The following MYH10 variants were observed in gnomAD, a reference collection of about 807,000 sequenced individuals.
MYH10 encodes myosin heavy chain 10.
MYH10 carries 55 observed loss-of-function variants against 257.8 expected under a neutral mutation model. The ratio of observed to expected loss-of-function variants is 0.21; its 90% CI spans 0.17 to 0.27. The LOEUF is 0.27. MYH10 is among the 10% of genes least tolerant of loss of function. MYH10 has a pLI of 1.00. For missense variants in MYH10, 1,631 were observed against 2,500.6 expected (o/e 0.65, Z 7.42); for synonymous variants, 854 against 921.7 (o/e 0.93, Z 1.33).
In MYH10 at chr17:8,535,968, C is replaced by T. The variant is rs1478128297; in HGVS notation, c.1606-37G>A. On this transcript the variant is annotated intron_variant, in intron 14 of 42. Transcript: ENST00000360416. The surrounding 1 kb of genome is among the most constrained non-coding windows in gnomAD (Gnocchi z 4.3). ...AGGCAATAAGAATTCACAAGTTTTGCATGCCACTTTAATACTACTGAGTCT... is the reference window on the plus strand; with the variant it reads ...AGGCAATAAGAATTCACAAGTTTTGTATGCCACTTTAATACTACTGAGTCT... The T allele has an allele frequency of 6.3e-7, 1 of 1,591,380 alleles. No homozygotes were observed. Among genetic ancestry groups the T allele is most frequent in the Non-Finnish European group, 8.6e-7 (1 of 1,164,002 alleles).
Position 8,487,295 on chromosome 17 carries a change from T to A in MYH10, c.5046+138A>T, listed in dbSNP as rs146491796. On this transcript the variant is annotated intron_variant, in intron 36 of 42. Coordinates refer to ENST00000360416, the MANE Select transcript of MYH10 (RefSeq NM_001256012.3). ...GTGGACACAGCGGACACACAAGCACTCTCTTTATGGCCTGCTGCCCCACCC... is the reference window on the plus strand; with the variant it reads ...GTGGACACAGCGGACACACAAGCACACTCTTTATGGCCTGCTGCCCCACCC... 2.9e-4 allele frequency: 281 copies of A among 962,120 alleles called. 4 individuals carry two copies. In the East Asian group the frequency reaches 6.5e-3, roughly 22 times the overall value. 59.6% of individuals were successfully genotyped at this position (962,120 alleles called of 1,614,324 possible). A position where few individuals can be genotyped will look rare whatever the true frequency, so the allele number is the denominator to read the frequency against.
intron 3 of MYH10, among the ~76,000 whole-genome samples, chr17:8,590,686 T>C (rs946914228): frequency 2.6e-5 from 4 of 152,150 alleles, no homozygotes; most frequent in Admixed American, 2.0e-4. Flanking sequence ...TTATAGTACA[T>C]AGTCAATGTC....
At chr17:8,575,548 T>C (rs2083471289) in intron 6 of MYH10, among the ~76,000 whole-genome samples, 1 of 152,126 alleles carries the variant, frequency 6.6e-6, no homozygotes, top group African/African-American at 2.4e-5. Context: ...TAGGCCTTCA[T>C]AGGTACAGTA....
intron 3 of MYH10, among the ~76,000 whole-genome samples, chr17:8,599,574 C>T (rs554888694): frequency 6.6e-6 from 1 of 152,316 alleles, no homozygotes; most frequent in Admixed American, 6.5e-5. Flanking sequence ...TGAAACCCTG[C>T]TTCATTTTCA....
intron 2 of MYH10, among the ~76,000 whole-genome samples, chr17:8,617,731 T>C (rs1049045420): frequency 1.3e-5 from 2 of 152,114 alleles, no homozygotes; most frequent in African/African-American, 4.8e-5. Context: ...TACAAAACAG[T>C]GGAGTAGGCA....
chr17:8,475,962 G>A lies in MYH10; in HGVS notation c.5880-14C>T. 6.2e-7 allele frequency: 1 copy of A among 1,609,928 alleles called. No homozygotes were observed. The highest frequency in any genetic ancestry group is 8.5e-7 in the Non-Finnish European group (1 of 1,179,012). ...GGGCCACCCCGCCTGGAGAACACAGGAAGCAGATGTGTGTGGGTAAACAGA... is the reference window on the plus strand; with the variant it reads ...GGGCCACCCCGCCTGGAGAACACAGAAAGCAGATGTGTGTGGGTAAACAGA... On this transcript the variant is annotated splice_polypyrimidine_tract_variant and intron_variant, in intron 42 of 42. Coordinates refer to ENST00000360416, the MANE Select transcript of MYH10 (RefSeq NM_001256012.3).
rs1040252824 is a variant in MYH10 at position 8,475,543 on chromosome 17, C to T, written c.*261G>A. 5 of 414,048 alleles carry T rather than the reference C, an allele frequency of 1.2e-5. No individual in the cohort carries two copies. The highest frequency in any genetic ancestry group is 2.2e-5 in the Non-Finnish European group (5 of 232,544). The allele number at this position is 414,048 out of a possible 1,614,324, so 25.6% of individuals were successfully genotyped here. On this transcript the variant is annotated 3_prime_UTR_variant, in exon 43 of 43. Coordinates refer to ENST00000360416, the MANE Select transcript of MYH10 (RefSeq NM_001256012.3). ...CTTACCATGTTTTATAAAATGGTCT[C>T]TTGATGACTATATGGAAAATAGATG...
chr17:8,506,617 C>A lies in MYH10; in HGVS notation c.3215-128G>T. On this transcript the variant is annotated intron_variant, in intron 26 of 42. Transcript: ENST00000360416. The surrounding 1 kb of genome is among the most constrained non-coding windows in gnomAD (Gnocchi z 5.0). ...CAAAAGCATGTCACTGCCCTGATGACATGGTCATGCGCTGATGTCAACTGC... is the reference window on the plus strand; with the variant it reads ...CAAAAGCATGTCACTGCCCTGATGAAATGGTCATGCGCTGATGTCAACTGC... 1 of 953,090 alleles carries A rather than the reference C, an allele frequency of 1.0e-6. No homozygotes were observed. The highest frequency in any genetic ancestry group is 1.6e-6 in the Non-Finnish European group (1 of 636,292). 59.0% of individuals were successfully genotyped at this position (953,090 alleles called of 1,614,324 possible).
intron 28 of MYH10, among the ~76,000 whole-genome samples, chr17:8,503,537 T>C (rs980634778): frequency 6.6e-6 from 1 of 152,254 alleles, no homozygotes; most frequent in Non-Finnish European, 1.5e-5. Flanking sequence ...CTCACTGCTC[T>C]ATCGAGCCGG....
chr17:8,515,508 ACCAGCCAAAAAGAATTAG>A (rs1291547958), intron 21 of MYH10, among the ~76,000 whole-genome samples: 5 of 135,682 alleles, frequency 3.7e-5, no homozygotes, highest in Non-Finnish European at 8.0e-5. Flanking sequence ...ACTTATTCCT[ACCAGCCAAAAAGAATTAG>A]CCAAGTCTTT....
chr17:8,488,889 T>C (rs1241337708), intron 35 of MYH10, among the ~76,000 whole-genome samples: 5 of 152,162 alleles, frequency 3.3e-5, no homozygotes, highest in Admixed American at 6.5e-5. Flanking sequence ...AATTTCAAAG[T>C]GTGGTTTAAA....
chr17:8,477,142 G>T lies in MYH10; in HGVS notation c.5707-94C>A. The T allele has an allele frequency of 2.8e-6, 4 of 1,436,974 alleles. No individual in the cohort carries two copies. The highest frequency in any genetic ancestry group is 3.8e-6 in the Non-Finnish European group (4 of 1,044,126). 89.0% of individuals were successfully genotyped at this position (1,436,974 alleles called of 1,614,324 possible). A position where few individuals can be genotyped will look rare whatever the true frequency, so the allele number is the denominator to read the frequency against. On this transcript the variant is annotated intron_variant, in intron 41 of 42. Transcript: ENST00000360416. The surrounding 1 kb of genome is among the most constrained non-coding windows in gnomAD (Gnocchi z 4.2). ...AGCGTGGCAGTGTGGGGCTCTGCCT[G>T]TTACCCTTGTGAGCACGCGTGTACA... is the stretch of plus-strand genomic sequence containing the variant.
chr17:8,630,204 C>T (rs1057039558), intron 1 of MYH10, among the ~76,000 whole-genome samples: 10 of 151,314 alleles, frequency 6.6e-5, no homozygotes, highest in Non-Finnish European at 8.9e-5. Context: ...GACACTGGCT[C>T]GCGGGGCACG....
intron 37 of MYH10, among the ~76,000 whole-genome samples, chr17:8,482,593 A>G (rs1301816470): frequency 1.3e-5 from 2 of 152,016 alleles, no homozygotes; most frequent in Admixed American, 1.3e-4. Context: ...AGACTGAGGG[A>G]CCCACGGGAG....
chr17:8,480,001 G>A (rs1180189272), intron 40 of MYH10, 109 bp downstream of exon 40: 6 of 1,044,954 alleles, frequency 5.7e-6, no homozygotes, highest in Admixed American at 2.2e-5. Context: ...CTGGTTATAT[G>A]TGTTCTCTGC....
At chr17:8,486,195 G>C (rs1914734996) in intron 36 of MYH10, among the ~76,000 whole-genome samples, 1 of 152,174 alleles carries the variant, frequency 6.6e-6, no homozygotes, top group African/African-American at 2.4e-5. Flanking sequence ...AATGGGGAGT[G>C]ACAGCTAATG....
At chr17:8,585,717 A>G (rs2083894178) in intron 4 of MYH10, among the ~76,000 whole-genome samples, 2 of 152,096 alleles carry the variant, frequency 1.3e-5, no homozygotes, top group Admixed American at 6.5e-5. Context: ...GGGACAGGAG[A>G]AGGAACTTTC....
intron 16 of MYH10, among the ~76,000 whole-genome samples, chr17:8,532,395 A>G (rs2082029627): frequency 6.6e-6 from 1 of 152,258 alleles, no homozygotes; most frequent in African/African-American, 2.4e-5. Flanking sequence ...GAGCTCAGCA[A>G]GGCTTACAGT....
chr17:8,609,440 A>C (rs886782343), intron 2 of MYH10, among the ~76,000 whole-genome samples: 12 of 152,326 alleles, frequency 7.9e-5, no homozygotes, highest in East Asian at 7.7e-4. Flanking sequence ...TTGAAAAAAA[A>C]CCTAAATAAT....
Sources: allele counts gnomAD v4.1 joint callset (sites outside exome capture counted in the v4.1 genomes callset), GRCh38; gene constraint gnomAD v4.1.1; non-coding constraint Gnocchi (gnomAD v3.1); transcripts MANE v1.5; gene names NCBI Gene and HGNC (gene_info 2026-07-23, HGNC 2026-07-21).